The following STAG1 variants were observed in gnomAD, a reference collection of about 807,000 sequenced individuals.
STAG1 encodes STAG1 cohesin complex component, also known as cohesin subunit SA-1.
In STAG1, 26 loss-of-function variants were observed where a neutral mutation model predicts 170.9. The observed-to-expected ratio is 0.15, with a 90% CI of 0.11 to 0.21. The LOEUF is 0.21. Among genes scored for constraint, STAG1 ranks in the 10% least tolerant of loss-of-function variants. The probability of loss-of-function intolerance (pLI) is 1.00; values close to 1 mark genes in which losing one functional copy is unlikely to be tolerated. For missense variants in STAG1, 964 were observed against 1,509.5 expected, an observed-to-expected ratio of 0.64 and a Z score of 5.99; for synonymous variants, 514 against 497.7, an observed-to-expected ratio of 1.03 and a Z score of -0.44.
intron 5 of STAG1, among the ~76,000 whole-genome samples, chr3:136,567,711 C>T (rs1169419477): frequency 3.9e-5 from 6 of 152,180 alleles, no homozygotes; most frequent in Admixed American, 1.3e-4. Flanking sequence ...AATAAATTTA[C>T]CTAAACCCTT....
chr3:136,475,183 G>C (rs1366378041), intron 10 of STAG1, among the ~76,000 whole-genome samples: 1 of 102,838 alleles, frequency 9.7e-6, no homozygotes, highest in Non-Finnish European at 1.8e-5. Context: ...TCTTGCTCTT[G>C]TCACCCAGGC....
At chr3:136,660,071 G>A (rs772110560) in intron 1 of STAG1, among the ~76,000 whole-genome samples, 17 of 152,282 alleles carry the variant, frequency 1.1e-4, no homozygotes, top group African/African-American at 2.2e-4. Context: ...CAGCATGTGC[G>A]TGTGCGCATG....
In STAG1 at chr3:136,689,744, C is replaced by G. The variant is rs1486632421; in HGVS notation, c.-83-58763G>C. ...TCAGCAAGGTGGTTTCCTGTAGCCT[C>G]AAGAGTCTAACCATGGCCAGGCACA... On this transcript the variant is annotated intron_variant, in intron 1 of 33. Coordinates refer to ENST00000383202, the MANE Select transcript of STAG1 (RefSeq NM_005862.3). 4.6e-5 allele frequency among the ~76,000 whole-genome samples: 7 copies of G among 152,042 alleles called. No homozygotes were observed. In the East Asian group the frequency reaches 1.2e-3, roughly 25 times the overall value.
intron 16 of STAG1, among the ~76,000 whole-genome samples, chr3:136,429,074 T>C (rs1258278619): frequency 6.6e-6 from 1 of 151,870 alleles, no homozygotes; most frequent in African/African-American, 2.4e-5. Flanking sequence ...GAGGCAGAGG[T>C]TGCAGTAAGC....
At chr3:136,704,919 G>T (rs1220020095) in intron 1 of STAG1, among the ~76,000 whole-genome samples, 1 of 151,508 alleles carries the variant, frequency 6.6e-6, no homozygotes, top group Non-Finnish European at 1.5e-5. Context: ...CAAAACAATG[G>T]AGCCCCGAAA....
In STAG1 at chr3:136,407,835, G is replaced by T. The variant is rs540850067; in HGVS notation, c.2197-9006C>A. 1.7e-3 allele frequency among the ~76,000 whole-genome samples: 262 copies of T among 150,688 alleles called. 2 individuals carry two copies. Among genetic ancestry groups the T allele is most frequent in the African/African-American group, 5.8e-3 (240 of 41,032 alleles). On this transcript the variant is annotated intron_variant, in intron 21 of 33. Transcript: ENST00000383202. The stretch of plus-strand genomic sequence containing the variant: ...CACTTGAACCTAGGAGGTGGAGGTT[G>T]CAGTGAGCCGAGATCACGCCACTGC...
At chr3:136,750,126 ATG>A (rs779736103) in intron 1 of STAG1, among the ~76,000 whole-genome samples, 14 of 152,216 alleles carry the variant, frequency 9.2e-5, no homozygotes, top group African/African-American at 2.2e-4. Context: ...CAGCAATTAA[ATG>A]TGTGTTTTTC....
At chr3:136,409,485 C>A (rs546671551) in intron 21 of STAG1, among the ~76,000 whole-genome samples, 2 of 151,878 alleles carry the variant, frequency 1.3e-5, no homozygotes, top group African/African-American at 4.8e-5. Context: ...TACAGGAGCA[C>A]GCCACTATGC....
intron 7 of STAG1, among the ~76,000 whole-genome samples, chr3:136,503,401 G>A (rs771695058): frequency 6.6e-6 from 1 of 152,056 alleles, no homozygotes; most frequent in African/African-American, 2.4e-5. Flanking sequence ...ACTTTTAAAC[G>A]TTCACTTGTA....
chr3:136,528,898 C>G lies in STAG1; in HGVS notation c.472-7481G>C, dbSNP rs112459827. ...TGAGCCAAGATCATGCCACTGCACT[C>G]CAGTCTGTGTGACAAAGCAAGACCC... On this transcript the variant is annotated intron_variant, in intron 6 of 33. Transcript: ENST00000383202. Among the ~76,000 whole-genome samples, 5 of 151,902 alleles carry G rather than the reference C, an allele frequency of 3.3e-5. 1 individual carries two copies. The highest frequency in any genetic ancestry group is 1.2e-4 in the African/African-American group (5 of 41,462).
At chr3:136,575,975 A>G (rs1384719623) in intron 4 of STAG1, among the ~76,000 whole-genome samples, 1 of 152,184 alleles carries the variant, frequency 6.6e-6, no homozygotes, top group Non-Finnish European at 1.5e-5. Context: ...CCTCTGCCAA[A>G]AACTGCCCCT....
rs575922963 is a variant in STAG1, at chr3:136,726,425, G to A, written c.-84+25770C>T. Among the ~76,000 whole-genome samples the A allele has an allele frequency of 4.6e-5, 7 of 152,278 alleles. No homozygotes were observed. In the East Asian group the frequency reaches 1.4e-3, roughly 29 times the overall value. ...CCCTCAGTTGAGAACCACTAAGCTA[G>A]AAGAATATGTTTTGTTTTGAGACAG... On this transcript the variant is annotated intron_variant, in intron 1 of 33. Coordinates refer to ENST00000383202, the MANE Select transcript of STAG1 (RefSeq NM_005862.3).
intron 7 of STAG1, among the ~76,000 whole-genome samples, chr3:136,519,447 GATA>G (rs1341130774): frequency 1.3e-5 from 2 of 152,024 alleles, no homozygotes; most frequent in African/African-American, 2.4e-5. Context: ...GGGAAACCCA[GATA>G]ATAACTTCTG....
chr3:136,592,783 G>T (rs1423725372), intron 4 of STAG1, among the ~76,000 whole-genome samples: 1 of 152,134 alleles, frequency 6.6e-6, no homozygotes, highest in Admixed American at 6.5e-5. Flanking sequence ...GCATTCTGGG[G>T]CTGCCACAGG....
chr3:136,543,012 C>CA (rs1357217518), intron 5 of STAG1, among the ~76,000 whole-genome samples: 5 of 151,780 alleles, frequency 3.3e-5, no homozygotes, highest in Non-Finnish European at 7.4e-5. Flanking sequence ...ATGGAGCTAT[C>CA]AAAAAATAAG....
chr3:136,582,762 G>A (rs1010022885), intron 4 of STAG1, among the ~76,000 whole-genome samples: 1 of 152,118 alleles, frequency 6.6e-6, no homozygotes, highest in African/African-American at 2.4e-5. Flanking sequence ...TCAAGCCACT[G>A]TACTCCAGCC....
chr3:136,396,846 C>T (rs1040172006), intron 22 of STAG1, among the ~76,000 whole-genome samples: 4 of 152,068 alleles, frequency 2.6e-5, no homozygotes, highest in Admixed American at 6.6e-5. Context: ...TTTAAAGTGG[C>T]TTTCATTACT....
At chr3:136,608,217 C>A (rs1331424997) in intron 3 of STAG1, among the ~76,000 whole-genome samples, 1 of 151,644 alleles carries the variant, frequency 6.6e-6, no homozygotes, top group Non-Finnish European at 1.5e-5. Flanking sequence ...TGAAATTGCA[C>A]CATTGTACTC....
At chr3:136,340,058 GAACACCCAAGCTCATCCAAATGCCCAC>G (rs1470496827) in intron 32 of STAG1, among the ~76,000 whole-genome samples, 1 of 152,214 alleles carries the variant, frequency 6.6e-6, no homozygotes. Flanking sequence ...GAGGCTTGAA[GAACACCCAAGCTCATCCAAATGCCCAC>G]TGTTGTTGAT....
Sources: gnomAD v4.1 joint callset for allele counts (sites outside exome capture counted in the v4.1 genomes callset) on GRCh38, gnomAD v4.1.1 for gene constraint, MANE v1.5 for transcripts, NCBI Gene and HGNC (gene_info 2026-07-23, HGNC 2026-07-21) for gene names.